Variants in ASTN2 observed in about 807,000 individuals in gnomAD.
ASTN2 encodes the protein astrotactin 2.
Under a neutral mutation model 139.8 loss-of-function variants are expected in ASTN2, and 54 were observed. That is an observed-to-expected ratio of 0.39 (90% confidence interval 0.31 to 0.48). ASTN2 has a LOEUF of 0.48. Among genes scored for constraint, ASTN2 ranks in the 20% least tolerant of loss-of-function variants. The pLI is 0.95. For missense variants in ASTN2, 1,565 were observed against 1,725.1 expected (o/e 0.91, Z 1.64); for synonymous variants, 756 against 719.5 (o/e 1.05, Z -0.81).
At chr9:116,960,306 T>A (rs1233513317) in intron 10 of ASTN2, among the ~76,000 whole-genome samples, 1 of 152,196 alleles carries the variant, frequency 6.6e-6, no homozygotes. Flanking sequence ...AGGAGTATCC[T>A]GTATTCAATT....
intron 10 of ASTN2, among the ~76,000 whole-genome samples, chr9:116,864,328 G>A (rs1832964958): frequency 6.6e-6 from 1 of 152,030 alleles, no homozygotes; most frequent in Admixed American, 6.6e-5. Flanking sequence ...GACCCTCCAG[G>A]GCCCTAGATC....
intron 2 of ASTN2, among the ~76,000 whole-genome samples, chr9:117,224,945 A>T (rs1289211418): frequency 6.6e-6 from 1 of 151,558 alleles, no homozygotes. Context: ...CCCTCCCATC[A>T]CCCTAGTGCC....
At chr9:117,106,341 G>A (rs10759899) in intron 4 of ASTN2, among the ~76,000 whole-genome samples, 2 of 151,252 alleles carry the variant, frequency 1.3e-5, no homozygotes, top group South Asian at 4.2e-4. Flanking sequence ...ATTCTTGTGC[G>A]TCAGCCCCTT....
At chr9:116,819,709 A>T in intron 12 of ASTN2, among the ~76,000 whole-genome samples, 1 of 152,216 alleles carries the variant, frequency 6.6e-6, no homozygotes, top group Non-Finnish European at 1.5e-5. Flanking sequence ...TATTTTTCTG[A>T]GTCACAGAAT....
intron 4 of ASTN2, among the ~76,000 whole-genome samples, chr9:117,123,941 T>C (rs1829623081): frequency 6.6e-6 from 1 of 152,200 alleles, no homozygotes; most frequent in African/African-American, 2.4e-5. Flanking sequence ...TGGAGGCTGA[T>C]GTCACCACAG....
intron 17 of ASTN2, among the ~76,000 whole-genome samples, 177 bp downstream of exon 17, chr9:116,651,351 A>G (rs537677372): frequency 9.3e-4 from 141 of 152,344 alleles, no homozygotes; most frequent in African/African-American, 3.2e-3. Flanking sequence ...AACAGCTAGT[A>G]TTGTCAAACT....
At chr9:116,827,202 G>A (rs1831657259) in intron 11 of ASTN2, among the ~76,000 whole-genome samples, 1 of 151,186 alleles carries the variant, frequency 6.6e-6, no homozygotes. Context: ...TCAGCTACTT[G>A]GGAGGCTGAG....
chr9:117,316,018 A>G (rs1828132977), intron 1 of ASTN2, among the ~76,000 whole-genome samples: 1 of 152,196 alleles, frequency 6.6e-6, no homozygotes, highest in Admixed American at 6.5e-5. Flanking sequence ...TAACCTTCAC[A>G]ATACTAGGAG....
At chr9:117,043,247 A>T (rs1252751230) in intron 5 of ASTN2, among the ~76,000 whole-genome samples, 1 of 152,152 alleles carries the variant, frequency 6.6e-6, no homozygotes, top group African/African-American at 2.4e-5. Context: ...TAGCATGAAT[A>T]AATGCTTGGG....
At chr9:117,324,138 T>G (rs942821120) in intron 1 of ASTN2, among the ~76,000 whole-genome samples, 1 of 152,118 alleles carries the variant, frequency 6.6e-6, no homozygotes, top group Non-Finnish European at 1.5e-5. Context: ...CCAGCCACAC[T>G]CATGCAAGCT....
rs199908277 is a variant in ASTN2 at position 116,728,966 on chromosome 9, C to T, written c.2626+26G>A. ...CAAGTGCTAAATTATTCCAAGTCCC[C>T]TGGCTGCCCAGGCAGTGGTCCTCAC... On this transcript the variant is annotated intron_variant, in intron 15 of 22. Transcript: ENST00000313400. The T allele has an allele frequency of 1.0e-5, 16 of 1,556,632 alleles. No individual in the cohort carries two copies. In the Admixed American group the frequency reaches 1.5e-4, roughly 15 times the overall value.
rs751543207 is a variant in ASTN2 at position 117,214,538 on chromosome 9, C to T, written c.835G>A (p.Val279Ile). 1.2e-5 allele frequency: 19 copies of T among 1,613,624 alleles called. No individual in the cohort carries two copies. The highest frequency in any genetic ancestry group is 2.2e-5 in the East Asian group (1 of 44,864). ...RSSRLQTHNS[V>I]IGVPIRETPI... ...GTCTCCCGGATGGGCACGCCAATGA[C>T]GGAATTGTGGGTTTGCAGCCGGGAT... Residue 279 changes from valine (V) to isoleucine (I), a missense_variant, in exon 3 of 23, where the codon GTC (valine) becomes ATC (isoleucine). By Grantham distance (29) the Val-to-Ile change is conservative. Coordinates refer to ENST00000313400, the MANE Select transcript of ASTN2 (RefSeq NM_001365068.1).
intron 1 of ASTN2, among the ~76,000 whole-genome samples, chr9:117,398,194 C>T (rs1830726657): frequency 6.6e-6 from 1 of 152,102 alleles, no homozygotes; most frequent in Admixed American, 6.6e-5. Flanking sequence ...CCTGAACATT[C>T]TAGGGGTGGT....
At chr9:117,127,180 T>C (rs1308243749) in intron 4 of ASTN2, among the ~76,000 whole-genome samples, 1 of 152,246 alleles carries the variant, frequency 6.6e-6, no homozygotes, top group Non-Finnish European at 1.5e-5. Context: ...AATTACCTAC[T>C]CTTGAATTCT....
chr9:116,740,298 A>G (rs1300162077), intron 13 of ASTN2, among the ~76,000 whole-genome samples: 1 of 152,188 alleles, frequency 6.6e-6, no homozygotes, highest in Admixed American at 6.5e-5. Flanking sequence ...AATTTCATGC[A>G]TCTTCTTTGT....
At chr9:117,245,239 T>C (rs377655193) in intron 2 of ASTN2, among the ~76,000 whole-genome samples, 1 of 152,212 alleles carries the variant, frequency 6.6e-6, no homozygotes, top group East Asian at 1.9e-4. Context: ...GTGCTACGAT[T>C]GTAACCAATT....
At chr9:117,318,272 C>T (rs1004389642) in intron 1 of ASTN2, among the ~76,000 whole-genome samples, 2 of 152,136 alleles carry the variant, frequency 1.3e-5, no homozygotes, top group African/African-American at 2.4e-5. Context: ...CTGATAATGT[C>T]CATCCTTATC....
At chr9:117,334,219 C>T (rs952696568) in intron 1 of ASTN2, among the ~76,000 whole-genome samples, 16 of 152,230 alleles carry the variant, frequency 1.1e-4, no homozygotes, top group Admixed American at 9.2e-4. Context: ...CCAAACAGAT[C>T]CTATACTCTT....
chr9:116,459,119 T>C (rs1848412268), intron 20 of ASTN2, among the ~76,000 whole-genome samples: 1 of 151,970 alleles, frequency 6.6e-6, no homozygotes, highest in East Asian at 1.9e-4. Context: ...TGGTCAATTG[T>C]TTTTCAAGGA....
Sources: gnomAD v4.1 joint callset for allele counts (sites outside exome capture counted in the v4.1 genomes callset) on GRCh38, gnomAD v4.1.1 for gene constraint, MANE v1.5 for transcripts, NCBI Gene and HGNC (gene_info 2026-07-23, HGNC 2026-07-21) for gene names.